Variants in IFT172 observed in about 807,000 individuals in gnomAD.
IFT172 encodes the protein intraflagellar transport protein 172 homolog.
In IFT172, 164 loss-of-function variants were observed where a neutral mutation model predicts 248.9. The ratio of observed to expected loss-of-function variants is 0.66; its 90% confidence interval spans 0.58 to 0.75. IFT172 has a LOEUF of 0.75. Ranked by LOEUF, IFT172 falls within the 30% of genes least tolerant of loss-of-function variation. IFT172 has a pLI of 0.00. For missense variants in IFT172, 1,950 were observed against 2,192.4 expected (o/e 0.89, Z 2.21); for synonymous variants, 729 against 791.6 (o/e 0.92, Z 1.33).
intron 7 of IFT172, among the ~76,000 whole-genome samples, chr2:27,482,297 T>C (rs1011713136): frequency 1.1e-4 from 15 of 142,234 alleles, no homozygotes; most frequent in Non-Finnish European, 2.2e-4. Context: ...CAAGTAATTC[T>C]TTTTTTTTTT....
intron 35 of IFT172, among the ~76,000 whole-genome samples, chr2:27,451,206 G>A (rs777912623): frequency 1.3e-5 from 2 of 152,064 alleles, no homozygotes; most frequent in Non-Finnish European, 2.9e-5. Flanking sequence ...TGTAGTTTAT[G>A]CTAATCCCCT....
At chr2:27,451,316 T>C (rs545957588) in intron 35 of IFT172, among the ~76,000 whole-genome samples, 2 of 152,202 alleles carry the variant, frequency 1.3e-5, no homozygotes, top group Admixed American at 6.5e-5. Flanking sequence ...TTCTGACTAA[T>C]CTGAAAAAGG....
chr2:27,484,457 G>C (rs1426070796), intron 3 of IFT172, among the ~76,000 whole-genome samples, 191 bp from the exon 4 acceptor site: 3 of 152,092 alleles, frequency 2.0e-5, no homozygotes, highest in African/African-American at 7.2e-5. Flanking sequence ...CGGGTGTGGT[G>C]GTGGGCGCCT....
chr2:27,458,219 G>C lies in IFT172; in HGVS notation c.2882C>G (p.Ala961Gly), dbSNP rs769578794. ...AGRWEQAHKL[A>G]MKCMRPEDVS... ...ATCTTCTGGTCTCATGCATTTCATCGCCAGCTGTGGAGGCACAGAGGCAAG... is the reference window on the plus strand; with the variant it reads ...ATCTTCTGGTCTCATGCATTTCATCCCCAGCTGTGGAGGCACAGAGGCAAG... The change falls in exon 27 of 48, where the codon GCG (alanine) becomes GGG (glycine). Residue 961 changes from alanine (A) to glycine (G), a missense_variant. Ala to Gly is a moderately conservative substitution (Grantham distance 60, BLOSUM62 0). This residue lies in a region of IFT172 where 1,166 missense variants were observed against 1,254.1 expected (regional missense o/e 0.93). Coordinates refer to ENST00000260570, the MANE Select transcript of IFT172 (RefSeq NM_015662.3). The C allele has an allele frequency of 1.2e-6, 2 of 1,613,884 alleles. No individual in the cohort carries two copies. Among genetic ancestry groups the C allele is most frequent in the Admixed American group, 3.3e-5 (2 of 60,016 alleles).
intron 6 of IFT172, 30 bp downstream of exon 6, chr2:27,483,550 A>G: frequency 1.2e-6 from 2 of 1,607,474 alleles, no homozygotes; most frequent in South Asian, 1.1e-5. Flanking sequence ...ACACTTCCAG[A>G]CTCTAGTGAT....
At position 27,454,068 on chromosome 2, in the gene IFT172, C is replaced by T. The variant is rs1321523578; in HGVS notation, c.3625G>A (p.Gly1209Arg). ...TGAAAGTCCTTCTCCTCCAAGGCCCCCCGGGCCTGTCCCACAAGCACCTCG... is the reference window on the plus strand; with the variant it reads ...TGAAAGTCCTTCTCCTCCAAGGCCCTCCGGGCCTGTCCCACAAGCACCTCG... Reference protein sequence around the residue: ...VAEVLVGQARGALEEKDFQKA... With the variant: ...VAEVLVGQARRALEEKDFQKA... The change falls in exon 33 of 48, where the codon GGG becomes AGG. Residue 1209 changes from glycine to arginine, a missense_variant. By Grantham distance (125) the Gly-to-Arg change is moderately radical. Transcript: ENST00000260570. The surrounding 1 kb of genome is among the most constrained non-coding windows in gnomAD (Gnocchi z 4.2). The T allele has an allele frequency of 1.9e-6, 3 of 1,614,152 alleles. No individual in the cohort carries two copies.
At chr2:27,473,457 C>T (rs1166343295) in intron 14 of IFT172, among the ~76,000 whole-genome samples, 1 of 149,232 alleles carries the variant, frequency 6.7e-6, no homozygotes, top group Non-Finnish European at 1.5e-5. Flanking sequence ...ACTACAGGCG[C>T]CAGCCACCAC....
intron 16 of IFT172, among the ~76,000 whole-genome samples, chr2:27,466,862 A>C (rs976308057): frequency 6.6e-6 from 1 of 152,050 alleles, no homozygotes; most frequent in Non-Finnish European, 1.5e-5. Flanking sequence ...AAGAAAAAAA[A>C]AAAATTATCT....
chr2:27,467,299 G>A (rs114106000), intron 16 of IFT172, among the ~76,000 whole-genome samples: 3,231 of 151,238 alleles, frequency 0.021, 114 homozygotes, highest in African/African-American at 0.075. Flanking sequence ...GAGGCCAGAT[G>A]CAGTGGCTCA....
At position 27,461,274 on chromosome 2, in the gene IFT172, C is replaced by T. The variant is rs1036729851; in HGVS notation, c.2437G>A (p.Glu813Lys). 1.2e-5 allele frequency: 20 copies of T among 1,614,058 alleles called. No homozygotes were observed. The highest frequency in any genetic ancestry group is 8.8e-5 in the South Asian group (8 of 91,084). The change falls in exon 22 of 48, where the codon GAA (glutamate) becomes AAA (lysine). Residue 813 changes from glutamate to lysine, a missense_variant. Glu to Lys is a moderately conservative substitution (Grantham distance 56). Transcript: ENST00000260570. ...TAALIKGELY[E>K]RAGDLFEKIH... is the part of the protein sequence containing the mutation. The stretch of plus-strand genomic sequence containing the variant: ...GGAAAAGGAAGCCAGCATACCCTTT[C>T]GTAGAGTTCCCCCTTGATAAGGGCT...
intron 42 of IFT172, among the ~76,000 whole-genome samples, 181 bp downstream of exon 42, chr2:27,447,334 G>T (rs1377638845): frequency 6.6e-6 from 1 of 152,194 alleles, no homozygotes; most frequent in Non-Finnish European, 1.5e-5. Flanking sequence ...GCCCTAAAAA[G>T]GTCGGAAGAA....
intron 18 of IFT172, among the ~76,000 whole-genome samples, chr2:27,464,557 T>G (rs1666939534): frequency 6.6e-6 from 1 of 151,796 alleles, no homozygotes; most frequent in Non-Finnish European, 1.5e-5. Context: ...AGTAAAAAAA[T>G]GCTAAAGGGA....
rs1244132953 is a variant in IFT172 at position 27,484,397 on chromosome 2, C to A, written c.297-131G>T. ...ATGAGGTCAGGAGATCGAGACCATC[C>A]TGGCTAACACAGTGAAACCCCGTCT... On this transcript the variant is annotated intron_variant, in intron 3 of 47. Transcript: ENST00000260570. 4.8e-6 allele frequency: 4 copies of A among 835,204 alleles called. No homozygotes were observed. In the African/African-American group the frequency reaches 6.9e-5, roughly 14 times the overall value. 51.7% of individuals were successfully genotyped at this position (835,204 alleles called of 1,614,324 possible).
At chr2:27,483,120 C>T (rs1203949353) in intron 7 of IFT172, among the ~76,000 whole-genome samples, 169 bp downstream of exon 7, 3 of 151,050 alleles carry the variant, frequency 2.0e-5, no homozygotes, top group Non-Finnish European at 4.4e-5. Context: ...CTTTCCACTT[C>T]GGCTTCCTGA....
rs201476743 is a variant in IFT172, at chr2:27,483,659, C to T, written c.403G>A (p.Val135Ile). ...TTAGTTTTGGTGTTTGCTAAACGAA[C>T]CTGAAAATGGAAAAATTGATACAAG... The part of the protein sequence containing the change: ...IIVFGLAEGK[V>I]RLANTKTNKS... Residue 135 changes from valine (V) to isoleucine (I), a missense_variant and splice_region_variant, in exon 6 of 48, where the codon GTT (valine) becomes ATT (isoleucine). Val to Ile is a conservative substitution (Grantham distance 29). Around this residue, in one of 3 missense-constraint regions of IFT172, gnomAD observed 1,166 missense variants for 1,254.1 expected, o/e 0.93. Transcript: ENST00000260570. 8.1e-6 allele frequency: 13 copies of T among 1,613,784 alleles called. No homozygotes were observed. The highest frequency in any genetic ancestry group is 1.1e-5 in the Non-Finnish European group (13 of 1,179,954).
Position 27,447,633 on chromosome 2 carries a change from C to T in IFT172, c.4541G>A (p.Cys1514Tyr). 2 of 1,614,112 alleles carry T rather than the reference C, an allele frequency of 1.2e-6. No individual in the cohort carries two copies. The highest frequency in any genetic ancestry group is 1.7e-6 in the Non-Finnish European group (2 of 1,180,024). Reference sequence around the variant, plus strand: ...CTCACTGGACTTCACCAGGTTTTCACACTAGAGGAGGGAGACAGCACAGCC... The same window carrying T: ...CTCACTGGACTTCACCAGGTTTTCATACTAGAGGAGGGAGACAGCACAGCC... ...ADLRDVLFNL[C>Y]ENLVKSSEAN... is the part of the protein sequence containing the mutation. The change falls in exon 42 of 48, where the codon TGT becomes TAT. Residue 1514 changes from cysteine (C) to tyrosine (Y), a missense_variant and splice_region_variant. Coordinates refer to ENST00000260570, the MANE Select transcript of IFT172 (RefSeq NM_015662.3).
At position 27,483,599 on chromosome 2, in the gene IFT172, C is replaced by T. The variant is rs149969430; in HGVS notation, c.463G>A (p.Val155Met). 1.5e-5 allele frequency: 24 copies of T among 1,613,970 alleles called. No homozygotes were observed. Among genetic ancestry groups the T allele is most frequent in the African/African-American group, 6.7e-5 (5 of 74,900 alleles). Residue 155 changes from valine (V) to methionine (M), a missense_variant, in exon 6 of 48, where the codon GTG becomes ATG. Coordinates refer to ENST00000260570, the MANE Select transcript of IFT172 (RefSeq NM_015662.3). ...SSTIYGTESY[V>M]VSLTTNCSGK... is the part of the protein sequence containing the mutation. ...ACTCACTTTGTTGTCAGGGACACCA[C>T]GTAAGACTCTGTCCCATAGATGGTA...
Position 27,445,190 on chromosome 2 carries a change from A to T in IFT172, c.5069-85T>A. 1 of 1,595,112 alleles carries T rather than the reference A, an allele frequency of 6.3e-7. No individual in the cohort carries two copies. The highest frequency in any genetic ancestry group is 8.6e-7 in the Non-Finnish European group (1 of 1,168,958). The stretch of plus-strand genomic sequence containing the variant: ...AGGAGCAGCCTGGGGGGTAGAAAGC[A>T]CAGTCCTGTCTTTTGTACCCTTTAC... On this transcript the variant is annotated intron_variant, in intron 46 of 47. Coordinates refer to ENST00000260570, the MANE Select transcript of IFT172 (RefSeq NM_015662.3). The surrounding 1 kb of genome is among the most constrained non-coding windows in gnomAD (Gnocchi z 4.4).
In IFT172 at chr2:27,463,139, C is replaced by T. The variant is rs1422744663; in HGVS notation, c.1980G>A (p.Leu660=). Residue 660 remains leucine, a synonymous_variant, in exon 19 of 48, where the codon CTG becomes CTA. Transcript: ENST00000260570. ...ALGQVAKARF[L]HETNEIADQV... ...GATCTGCAATCTCATTGGTCTCATG[C>T]AGGAATCGAGCTTTTGCTACTTGGC... The T allele has an allele frequency of 1.9e-6, 3 of 1,614,154 alleles. No individual in the cohort carries two copies. Among genetic ancestry groups the T allele is most frequent in the Admixed American group, 1.7e-5 (1 of 60,008 alleles).
Sources: allele counts gnomAD v4.1 joint callset (sites outside exome capture counted in the v4.1 genomes callset), GRCh38; gene constraint gnomAD v4.1.1; regional missense constraint gnomAD v4.1.1; non-coding constraint Gnocchi (gnomAD v3.1); transcripts MANE v1.5; gene names NCBI Gene and HGNC (gene_info 2026-07-23, HGNC 2026-07-21).